The following MAP2K1 variants were observed in gnomAD, a reference collection of about 807,000 sequenced individuals.
MAP2K1 encodes dual specificity mitogen-activated protein kinase kinase 1.
A neutral mutation model predicts 46.3 loss-of-function variants in MAP2K1; 16 were observed. The observed-to-expected ratio is 0.35, with a 90% confidence interval of 0.23 to 0.52. The LOEUF (loss-of-function observed/expected upper bound fraction) is 0.52. MAP2K1 is among the 20% of genes least tolerant of loss of function. The pLI, the probability that MAP2K1 is intolerant of heterozygous loss-of-function variation, is 0.94. For missense variants in MAP2K1, 263 were observed against 497.1 expected (o/e 0.53, Z 4.48); for synonymous variants, 183 against 185.6 (o/e 0.99, Z 0.11).
rs2093484621 is a variant in MAP2K1 at position 66,435,207 on chromosome 15, C to T, written c.261C>T (p.His87=). The T allele has an allele frequency of 6.2e-7, 1 of 1,614,010 alleles. No homozygotes were observed. Among genetic ancestry groups the T allele is most frequent in the Admixed American group, 1.7e-5 (1 of 60,000 alleles). The change falls in exon 2 of 11, where the codon CAC becomes CAT. Residue 87 remains histidine (H), a synonymous_variant. Coordinates refer to ENST00000307102, the MANE Select transcript of MAP2K1 (RefSeq NM_002755.4). The part of the protein sequence containing the change: ...GNGGVVFKVS[H]KPSGLVMARK... ...GCGGTGTGGTGTTCAAGGTCTCCCACAAGCCTTCTGGCCTGGTCATGGCCA... is the reference window on the plus strand; with the variant it reads ...GCGGTGTGGTGTTCAAGGTCTCCCATAAGCCTTCTGGCCTGGTCATGGCCA...
At chr15:66,429,410 A>G (rs1370366652) in intron 1 of MAP2K1, among the ~76,000 whole-genome samples, 1 of 152,144 alleles carries the variant, frequency 6.6e-6, no homozygotes, top group Non-Finnish European at 1.5e-5. Context: ...CCCTCTCTCA[A>G]CACATGGGGA....
chr15:66,426,142 CTTTT>C (rs57873985), intron 1 of MAP2K1, among the ~76,000 whole-genome samples: 9 of 145,498 alleles, frequency 6.2e-5, no homozygotes, highest in Non-Finnish European at 7.5e-5. Context: ...AGTGTTTTTT[CTTTT>C]TTTTTTTTTT....
intron 3 of MAP2K1, among the ~76,000 whole-genome samples, chr15:66,440,673 G>A (rs1298321651): frequency 6.6e-6 from 1 of 152,190 alleles, no homozygotes; most frequent in East Asian, 1.9e-4. Flanking sequence ...CTTTTGAACT[G>A]TTATTTTCAT....
chr15:66,462,907 G>A (rs56697217), intron 5 of MAP2K1, among the ~76,000 whole-genome samples: 14,815 of 152,218 alleles, frequency 0.097, 2,371 homozygotes, highest in African/African-American at 0.34. Flanking sequence ...GACAAGACAG[G>A]GACCAGAAAG....
At chr15:66,447,705 T>A (rs8027199) in intron 5 of MAP2K1, among the ~76,000 whole-genome samples, 41,151 of 150,052 alleles carry the variant, frequency 0.27, 6,384 homozygotes, top group South Asian at 0.37. Flanking sequence ...AAAAAAAGTT[T>A]AATTGTAAAA....
chr15:66,487,467 C>T (rs1014959868), intron 8 of MAP2K1, among the ~76,000 whole-genome samples, 175 bp downstream of exon 8: 12 of 152,092 alleles, frequency 7.9e-5, no homozygotes, highest in African/African-American at 2.7e-4. Context: ...GGCAAAACCC[C>T]ATCTCTACTA....
chr15:66,473,137 G>A (rs1892679395), intron 5 of MAP2K1, among the ~76,000 whole-genome samples: 1 of 152,182 alleles, frequency 6.6e-6, no homozygotes. Context: ...CTGCTCCTCT[G>A]AGGTAGCCCA....
chr15:66,457,822 G>C (rs983600223), intron 5 of MAP2K1, among the ~76,000 whole-genome samples: 2 of 152,060 alleles, frequency 1.3e-5, no homozygotes, highest in South Asian at 4.2e-4. Context: ...AATTAGCCAG[G>C]CATGGTAGCA....
chr15:66,468,687 CTT>C (rs1253071617), intron 5 of MAP2K1, among the ~76,000 whole-genome samples: 1 of 152,102 alleles, frequency 6.6e-6, no homozygotes, highest in East Asian at 1.9e-4. Flanking sequence ...AATCCCAACA[CTT>C]TGGGAGGCCG....
intron 3 of MAP2K1, among the ~76,000 whole-genome samples, chr15:66,438,407 A>G (rs993005220): frequency 2.0e-5 from 3 of 151,954 alleles, no homozygotes; most frequent in Non-Finnish European, 2.9e-5. Context: ...TTTTTCTTAC[A>G]TTGACCTCTT....
In MAP2K1 at chr15:66,488,011, C is replaced by T. The variant is rs543159974; in HGVS notation, c.960+719C>T. On this transcript the variant is annotated intron_variant, in intron 8 of 10. Transcript: ENST00000307102. ...CAAACAGGTGAGGAAATTGAGCCTC[C>T]GAGATGAAAAGTAGCCCAGGTCCTT... is the stretch of plus-strand genomic sequence containing the variant. Among the ~76,000 whole-genome samples the T allele has an allele frequency of 5.9e-5, 9 of 152,244 alleles. No individual in the cohort carries two copies. The South Asian group carries it at 6.2e-4, about 11-fold the overall frequency.
intron 5 of MAP2K1, among the ~76,000 whole-genome samples, chr15:66,445,340 C>T (rs947274387): frequency 6.6e-6 from 1 of 152,030 alleles, no homozygotes; most frequent in African/African-American, 2.4e-5. Context: ...TGTGGTGAGC[C>T]GAGATTGCAC....
At chr15:66,399,941 G>C (rs1285278374) in intron 1 of MAP2K1, among the ~76,000 whole-genome samples, 3 of 152,046 alleles carry the variant, frequency 2.0e-5, no homozygotes, top group African/African-American at 7.2e-5. Flanking sequence ...GGGGGTATAT[G>C]TGCAGGTTTG....
intron 5 of MAP2K1, among the ~76,000 whole-genome samples, chr15:66,456,701 A>G (rs1484344612): frequency 6.6e-6 from 1 of 152,198 alleles, no homozygotes; most frequent in East Asian, 1.9e-4. Flanking sequence ...CCATGGCTGG[A>G]CCATTCACTG....
At chr15:66,435,778 T>C (rs1567009365) in intron 2 of MAP2K1, among the ~76,000 whole-genome samples, 2 of 152,242 alleles carry the variant, frequency 1.3e-5, no homozygotes, top group African/African-American at 4.8e-5. Context: ...AATGCCAGGA[T>C]ACCTGTTTAT....
At chr15:66,485,485 G>T (rs925846183) in intron 7 of MAP2K1, among the ~76,000 whole-genome samples, 1 of 151,944 alleles carries the variant, frequency 6.6e-6, no homozygotes, top group African/African-American at 2.4e-5. Flanking sequence ...TTGCTATGTC[G>T]CCCAGTGCAG....
At chr15:66,401,993 A>C in intron 1 of MAP2K1, 1 of 1,338,342 alleles carries the variant, frequency 7.5e-7, no homozygotes, top group Non-Finnish European at 9.8e-7. Context: ...ATTTTGAAAA[A>C]TCACATGCAA....
At chr15:66,428,404 G>T (rs2093465650) in intron 1 of MAP2K1, among the ~76,000 whole-genome samples, 1 of 151,640 alleles carries the variant, frequency 6.6e-6, no homozygotes, top group African/African-American at 2.4e-5. Flanking sequence ...AATCTGCAGG[G>T]ATAAGCCAGC....
Position 66,487,360 on chromosome 15 carries a change from C to T in MAP2K1, c.960+68C>T, listed in dbSNP as rs41315964. The T allele has an allele frequency of 0.086, 125,245 of 1,451,368 alleles. 5,540 individuals carry two copies. Among genetic ancestry groups the T allele is most frequent in the African/African-American group, 0.11 (7,908 of 71,726 alleles). The allele number at this position is 1,451,368 out of a possible 1,614,324, so 89.9% of individuals were successfully genotyped here. A position where few individuals can be genotyped will look rare whatever the true frequency, so the allele number is the denominator to read the frequency against. On this transcript the variant is annotated intron_variant, in intron 8 of 10. Coordinates refer to ENST00000307102, the MANE Select transcript of MAP2K1 (RefSeq NM_002755.4). ...CATCTTAAGAAAACACCCAGGTGGC[C>T]GGGTGCAGTGGTTCACGCCTGTAAT...
Sources: allele counts gnomAD v4.1 joint callset (sites outside exome capture counted in the v4.1 genomes callset), GRCh38; gene constraint gnomAD v4.1.1; transcripts MANE v1.5; gene names NCBI Gene and HGNC (gene_info 2026-07-23, HGNC 2026-07-21).